Variants in EVA1C observed in about 807,000 individuals in gnomAD.
EVA1C encodes the protein protein eva-1 homolog C.
In EVA1C, 25 loss-of-function variants were observed where a neutral mutation model predicts 45.4. That is an observed-to-expected ratio of 0.55 (90% CI 0.40 to 0.77). The LOEUF (loss-of-function observed/expected upper bound fraction) is 0.77, where lower values mean the gene tolerates loss of function less well. Among genes scored for constraint, EVA1C ranks in the 30% least tolerant of loss-of-function variants. EVA1C has a pLI of 0.00. For missense variants in EVA1C, 479 were observed against 554.8 expected, an observed-to-expected ratio of 0.86 and a Z score of 1.37; for synonymous variants, 190 against 221.2, an observed-to-expected ratio of 0.86 and a Z score of 1.25.
intron 1 of EVA1C, among the ~76,000 whole-genome samples, chr21:32,449,589 G>A (rs897237692): frequency 7.3e-5 from 11 of 151,666 alleles, no homozygotes; most frequent in African/African-American, 2.4e-4. Context: ...TTGTCTGGAT[G>A]TGGGCCTAGG....
In EVA1C at chr21:32,483,848, C is replaced by T. The variant is rs527345123; in HGVS notation, c.635-11179C>T. Among the ~76,000 whole-genome samples, 17 of 152,046 alleles carry T rather than the reference C, an allele frequency of 1.1e-4. No homozygotes were observed. The South Asian group carries it at 1.7e-3, about 15-fold the overall frequency. ...GAATGGTACCTTAGCAAAATAAGTC[C>T]GAACCTTCATGGATATAAGACGAGA... On this transcript the variant is annotated intron_variant, in intron 4 of 7. Coordinates refer to ENST00000300255, the MANE Select transcript of EVA1C (RefSeq NM_058187.5).
intron 3 of EVA1C, 89 bp from the exon 4 acceptor site, chr21:32,467,607 C>G: frequency 7.4e-7 from 1 of 1,347,504 alleles, no homozygotes; most frequent in Non-Finnish European, 1.0e-6. Flanking sequence ...GGTGCAGCCC[C>G]GGGGAAATGA....
chr21:32,450,517 G>GC (rs2035543101), intron 1 of EVA1C, among the ~76,000 whole-genome samples: 1 of 151,480 alleles, frequency 6.6e-6, no homozygotes, highest in Non-Finnish European at 1.5e-5. Context: ...CACAGTCCGG[G>GC]AATGCTGGGG....
chr21:32,419,009 A>G (rs1187356831), intron 1 of EVA1C, among the ~76,000 whole-genome samples: 1 of 152,244 alleles, frequency 6.6e-6, no homozygotes, highest in Non-Finnish European at 1.5e-5. Context: ...TATAATTAAC[A>G]TATAAATTGA....
At chr21:32,487,346 G>T (rs1239683512) in intron 4 of EVA1C, among the ~76,000 whole-genome samples, 1 of 152,136 alleles carries the variant, frequency 6.6e-6, no homozygotes, top group Non-Finnish European at 1.5e-5. Context: ...AATCAACCAT[G>T]CCTATATCAT....
intron 2 of EVA1C, among the ~76,000 whole-genome samples, chr21:32,454,503 G>T (rs1444982567): frequency 6.6e-6 from 1 of 152,070 alleles, no homozygotes; most frequent in Non-Finnish European, 1.5e-5. Flanking sequence ...TTTAGACTGT[G>T]CATGGCTTTC....
intron 1 of EVA1C, among the ~76,000 whole-genome samples, chr21:32,423,425 T>A (rs1389024564): frequency 6.6e-6 from 1 of 152,106 alleles, no homozygotes; most frequent in East Asian, 1.9e-4. Context: ...TACAACCTAC[T>A]CCAAAAAATC....
chr21:32,437,710 C>A (rs934512239), intron 1 of EVA1C, among the ~76,000 whole-genome samples: 1 of 152,166 alleles, frequency 6.6e-6, no homozygotes, highest in Admixed American at 6.5e-5. Context: ...GGAAGCCTTC[C>A]TCATCTCTGG....
At position 32,512,802 on chromosome 21, in the gene EVA1C, A is replaced by G. The variant is rs553732327; in HGVS notation, c.950-2012A>G. On this transcript the variant is annotated intron_variant, in intron 7 of 7. Transcript: ENST00000300255. ...GAAGTTGAGTTGTGGCCCACCTTGAAAGCCCTAACAGCATCACAGAAGGAG... is the reference window on the plus strand; with the variant it reads ...GAAGTTGAGTTGTGGCCCACCTTGAGAGCCCTAACAGCATCACAGAAGGAG... Among the ~76,000 whole-genome samples the G allele has an allele frequency of 3.8e-4, 58 of 152,192 alleles. 1 individual carries two copies. The South Asian group carries it at 0.012, about 31-fold the overall frequency.
intron 4 of EVA1C, among the ~76,000 whole-genome samples, chr21:32,475,463 CTTTTTTT>C (rs775162227): frequency 7.9e-6 from 1 of 127,240 alleles, no homozygotes; most frequent in African/African-American, 2.9e-5. Flanking sequence ...AAAGTTCTTA[CTTTTTTT>C]TTTTTTTTTT....
intron 5 of EVA1C, among the ~76,000 whole-genome samples, chr21:32,498,378 C>T (rs1283100647): frequency 1.4e-5 from 2 of 142,634 alleles, no homozygotes; most frequent in African/African-American, 2.6e-5. Context: ...ACCTGGGAGG[C>T]GGAGTTGGCA....
At chr21:32,498,983 T>C (rs2037442821) in intron 5 of EVA1C, among the ~76,000 whole-genome samples, 1 of 152,182 alleles carries the variant, frequency 6.6e-6, no homozygotes. Context: ...TCTCCAGATA[T>C]CAGAGCCATT....
chr21:32,500,856 G>A (rs983470555), intron 5 of EVA1C, among the ~76,000 whole-genome samples: 14 of 151,852 alleles, frequency 9.2e-5, no homozygotes. Flanking sequence ...CTTTCACTCA[G>A]GCTGGAATGC....
intron 1 of EVA1C, among the ~76,000 whole-genome samples, chr21:32,440,362 G>A (rs2035130156): frequency 6.6e-6 from 1 of 152,136 alleles, no homozygotes; most frequent in African/African-American, 2.4e-5. Flanking sequence ...GGGTAAAGGG[G>A]GATTGATCCA....
intron 7 of EVA1C, among the ~76,000 whole-genome samples, chr21:32,507,134 G>A (rs1443949115): frequency 6.6e-6 from 1 of 152,210 alleles, no homozygotes. Flanking sequence ...GAAGGGACAG[G>A]AGGATGTCCA....
chr21:32,507,414 G>C (rs200531482), intron 7 of EVA1C, among the ~76,000 whole-genome samples: 1 of 133,710 alleles, frequency 7.5e-6, no homozygotes, highest in Non-Finnish European at 1.6e-5. Flanking sequence ...GTGCATGTGT[G>C]TGTATGTGTG....
At chr21:32,466,203 G>A (rs2036166620) in intron 3 of EVA1C, among the ~76,000 whole-genome samples, 1 of 152,088 alleles carries the variant, frequency 6.6e-6, no homozygotes, top group African/African-American at 2.4e-5. Context: ...GGTGGATCAC[G>A]AGGTCAGGAG....
intron 7 of EVA1C, 64 bp downstream of exon 7, chr21:32,504,079 G>A: frequency 8.5e-7 from 1 of 1,176,262 alleles, no homozygotes; most frequent in Non-Finnish European, 1.3e-6. Flanking sequence ...GTTAATAAAT[G>A]TGCTGTTCAA....
intron 3 of EVA1C, among the ~76,000 whole-genome samples, chr21:32,466,504 A>T (rs1432042360): frequency 9.0e-6 from 1 of 111,048 alleles, no homozygotes; most frequent in African/African-American, 3.9e-5. Context: ...AAAAAAAAAT[A>T]AACTGTGTTT....
Sources: allele counts gnomAD v4.1 joint callset (sites outside exome capture counted in the v4.1 genomes callset), GRCh38; gene constraint gnomAD v4.1.1; transcripts MANE v1.5; gene names NCBI Gene and HGNC (gene_info 2026-07-23, HGNC 2026-07-21).